Variants in LY6S observed in about 807,000 individuals in gnomAD.
LY6S encodes the protein lymphocyte antigen 6S.
At chr8:143,055,784 A>C in the LY6S span, among the ~76,000 whole-genome samples, 39 of 152,294 alleles carry the variant, frequency 2.6e-4, no homozygotes, top group Admixed American at 9.2e-4. Context: ...ACCACACAGC[A>C]CATCAGCAGC....
At chr8:143,072,517 G>T in the LY6S span, among the ~76,000 whole-genome samples, 802 of 139,552 alleles carry the variant, frequency 5.7e-3, 9 homozygotes, top group Non-Finnish European at 9.6e-3. Context: ...GTCGTCCTCG[G>T]GATTCCTGTT....
At chr8:143,046,476 G>A in the LY6S span, among the ~76,000 whole-genome samples, 8 of 151,700 alleles carry the variant, frequency 5.3e-5, no homozygotes, top group Non-Finnish European at 1.2e-4. Flanking sequence ...TACTTGGGAG[G>A]CTAAGGCAGG....
chr8:143,055,743 C>T, the LY6S span, among the ~76,000 whole-genome samples: 7 of 152,196 alleles, frequency 4.6e-5, no homozygotes, highest in South Asian at 6.2e-4. Context: ...CCGTGAAAGA[C>T]GCCATCGGGC....
At chr8:143,062,250 T>C in the LY6S span, among the ~76,000 whole-genome samples, 1 of 152,228 alleles carries the variant, frequency 6.6e-6, no homozygotes, top group Admixed American at 6.5e-5. Context: ...ATATATTCTA[T>C]AGACTGACAA....
At chr8:143,070,489 A>ATAATATATATATAATATATATATATAT in the LY6S span, among the ~76,000 whole-genome samples, 1 of 81,712 alleles carries the variant, frequency 1.2e-5, no homozygotes, top group East Asian at 4.5e-4. Context: ...ATATATATAT[A>ATAATATATATATAATATATATATATAT]TTTTTTTTTT....
At chr8:143,062,389 C>T in the LY6S span, among the ~76,000 whole-genome samples, 2 of 152,174 alleles carry the variant, frequency 1.3e-5, no homozygotes, top group Non-Finnish European at 2.9e-5. Flanking sequence ...CACAAGAGGC[C>T]GGGCGTGGTA....
At chr8:143,057,223 T>C in the LY6S span, 2 of 276,982 alleles carry the variant, frequency 7.2e-6, no homozygotes, top group African/African-American at 2.3e-5. Flanking sequence ...TTTATAAGCC[T>C]TTAGTCTCTT....
chr8:143,048,523 C>CCATGA, the LY6S span, among the ~76,000 whole-genome samples: 1 of 148,286 alleles, frequency 6.7e-6, no homozygotes, highest in African/African-American at 2.5e-5. Flanking sequence ...GGCTGGAGTG[C>CCATGA]CATGACACCA....
the LY6S span, among the ~76,000 whole-genome samples, chr8:143,046,503 G>C: frequency 6.7e-3 from 1,022 of 151,540 alleles, 6 homozygotes; most frequent in South Asian, 0.022. Context: ...GCATGAACCC[G>C]GGAGGCAGAG....
At chr8:143,072,804 G>A in the LY6S span, among the ~76,000 whole-genome samples, 3 of 100,636 alleles carry the variant, frequency 3.0e-5, no homozygotes, top group East Asian at 4.2e-4. Flanking sequence ...CCTGTTTGAG[G>A]AGACAGCCGT....
chr8:143,059,186 A>G, the LY6S span, among the ~76,000 whole-genome samples: 1 of 151,974 alleles, frequency 6.6e-6, no homozygotes, highest in South Asian at 2.1e-4. Flanking sequence ...GAGCCACCGT[A>G]TGCGGCCACA....
chr8:143,060,841 A>C, the LY6S span, among the ~76,000 whole-genome samples: 9 of 152,358 alleles, frequency 5.9e-5, no homozygotes, highest in African/African-American at 2.2e-4. Context: ...AAGATGGACT[A>C]TAGTAAGTCA....
At chr8:143,070,486 T>TA in the LY6S span, among the ~76,000 whole-genome samples, 3 of 104,018 alleles carry the variant, frequency 2.9e-5, 1 homozygote, top group Admixed American at 2.1e-4. Flanking sequence ...AATATATATA[T>TA]ATATTTTTTT....
chr8:143,057,540 G>T, the LY6S span: 3 of 975,648 alleles, frequency 3.1e-6, no homozygotes, highest in Non-Finnish European at 3.2e-6. Context: ...GAGCCACTGC[G>T]CCTGGCTGCC....
the LY6S span, among the ~76,000 whole-genome samples, chr8:143,058,177 G>A: frequency 0.012 from 1,876 of 152,292 alleles, 30 homozygotes; most frequent in East Asian, 0.066. Context: ...CTCTCCCCGC[G>A]TGCGGCGACA....
At chr8:143,070,444 T>TACA in the LY6S span, among the ~76,000 whole-genome samples, 29 of 56,528 alleles carry the variant, frequency 5.1e-4, no homozygotes, top group African/African-American at 3.8e-3. Flanking sequence ...TATATATATA[T>TACA]TGTATATATA....
the LY6S span, among the ~76,000 whole-genome samples, chr8:143,055,128 C>T: frequency 6.6e-6 from 1 of 152,178 alleles, no homozygotes; most frequent in Non-Finnish European, 1.5e-5. Flanking sequence ...CTGTTGTCTG[C>T]CCTACTCCCT....
chr8:143,062,065 T>C, the LY6S span, among the ~76,000 whole-genome samples: 1 of 151,898 alleles, frequency 6.6e-6, no homozygotes, highest in Non-Finnish European at 1.5e-5. Flanking sequence ...ATAAAACATA[T>C]AAAGGTTGGA....
At chr8:143,066,544 TG>T in the LY6S span, 1 of 314,788 alleles carries the variant, frequency 3.2e-6, no homozygotes, top group Non-Finnish European at 6.4e-6. Flanking sequence ...CACATGGCTG[TG>T]GCCCTTTTTG....
Sources: allele counts gnomAD v4.1 joint callset (sites outside exome capture counted in the v4.1 genomes callset), GRCh38; gene constraint gnomAD v4.1.1; transcripts MANE v1.5; gene names NCBI Gene and HGNC (gene_info 2026-07-23, HGNC 2026-07-21).